The following LDLRAD4 variants were observed in gnomAD, a reference collection of about 807,000 sequenced individuals.
LDLRAD4 encodes the protein low-density lipoprotein receptor class A domain-containing protein 4.
In LDLRAD4, 5 loss-of-function variants were observed where a neutral mutation model predicts 17.0. The ratio of observed to expected loss-of-function variants is 0.29; its 90% CI spans 0.15 to 0.62. LDLRAD4 has a LOEUF of 0.62. LDLRAD4 is among the 20% of genes least tolerant of loss of function. LDLRAD4 has a pLI of 0.84. For synonymous variants in LDLRAD4, 168 were observed against 171.8 expected, an observed-to-expected ratio of 0.98 and a Z score of 0.17; for missense variants, 340 against 424.7, an observed-to-expected ratio of 0.80 and a Z score of 1.75.
intron 3 of LDLRAD4, among the ~76,000 whole-genome samples, chr18:13,609,389 C>G (rs1195338472): frequency 6.6e-6 from 1 of 152,200 alleles, no homozygotes; most frequent in Admixed American, 6.5e-5. Context: ...CTCAAGAGCA[C>G]TATCTAGTAC....
chr18:13,411,647 A>T (rs765766244), intron 2 of LDLRAD4, among the ~76,000 whole-genome samples: 4 of 152,126 alleles, frequency 2.6e-5, no homozygotes, highest in Non-Finnish European at 5.9e-5. Context: ...GTAAGACGTG[A>T]CTTTGCTCCT....
intron 3 of LDLRAD4, among the ~76,000 whole-genome samples, chr18:13,454,782 G>A (rs1437236855): frequency 1.2e-4 from 18 of 152,232 alleles, no homozygotes; most frequent in Admixed American, 1.2e-3. Flanking sequence ...GCACTGTGTT[G>A]CTGTGACAGT....
At chr18:13,501,930 C>T (rs2093621643) in intron 3 of LDLRAD4, among the ~76,000 whole-genome samples, 1 of 152,210 alleles carries the variant, frequency 6.6e-6, no homozygotes, top group Non-Finnish European at 1.5e-5. Flanking sequence ...CCTAAGAAAA[C>T]ATCACACTTA....
intron 1 of LDLRAD4, among the ~76,000 whole-genome samples, chr18:13,317,120 T>G (rs1423890592): frequency 6.6e-6 from 1 of 152,160 alleles, no homozygotes; most frequent in African/African-American, 2.4e-5. Flanking sequence ...GGTGCACCAA[T>G]GTCAGGTGAA....
At chr18:13,506,060 A>G (rs1288273383) in intron 3 of LDLRAD4, among the ~76,000 whole-genome samples, 1 of 152,000 alleles carries the variant, frequency 6.6e-6, no homozygotes, top group Admixed American at 6.5e-5. Context: ...AAGTATCTCC[A>G]AGAGTTTCTT....
At chr18:13,628,676 A>G (rs938937524) in intron 4 of LDLRAD4, among the ~76,000 whole-genome samples, 8 of 152,300 alleles carry the variant, frequency 5.3e-5, no homozygotes, top group Admixed American at 3.9e-4. Context: ...GAAACTGCAT[A>G]AGGATGCTGG....
chr18:13,433,072 G>T (rs1009223583), intron 2 of LDLRAD4, among the ~76,000 whole-genome samples: 2 of 152,146 alleles, frequency 1.3e-5, no homozygotes, highest in African/African-American at 2.4e-5. Flanking sequence ...CAGGCAGTGA[G>T]TATATAAATT....
At chr18:13,451,844 A>G (rs367721681) in intron 3 of LDLRAD4, among the ~76,000 whole-genome samples, 36 of 152,292 alleles carry the variant, frequency 2.4e-4, no homozygotes, top group African/African-American at 7.9e-4. Flanking sequence ...AATGCCTCCC[A>G]AAGGTCTCAC....
intron 3 of LDLRAD4, among the ~76,000 whole-genome samples, chr18:13,462,762 G>T (rs770706801): frequency 6.6e-6 from 1 of 152,186 alleles, no homozygotes; most frequent in Non-Finnish European, 1.5e-5. Flanking sequence ...GGACAGCAAG[G>T]ATGTCTCCCA....
chr18:13,609,874 C>T (rs1243150275), intron 3 of LDLRAD4, among the ~76,000 whole-genome samples: 4 of 152,070 alleles, frequency 2.6e-5, no homozygotes, highest in South Asian at 4.2e-4. Context: ...CCCAGCTACT[C>T]GGGAAGCTGA....
At chr18:13,584,728 G>A (rs534515211) in intron 3 of LDLRAD4, among the ~76,000 whole-genome samples, 1 of 152,250 alleles carries the variant, frequency 6.6e-6, no homozygotes, top group African/African-American at 2.4e-5. Flanking sequence ...GGGAAGAAAG[G>A]CAAGTTGTCT....
chr18:13,402,217 T>C (rs997450963), intron 2 of LDLRAD4, among the ~76,000 whole-genome samples: 2 of 152,218 alleles, frequency 1.3e-5, no homozygotes, highest in Non-Finnish European at 2.9e-5. Context: ...TGCCCCTGGG[T>C]GAGTCCTGGT....
intron 3 of LDLRAD4, among the ~76,000 whole-genome samples, chr18:13,464,787 C>T (rs1352946755): frequency 1.6e-5 from 2 of 127,464 alleles, no homozygotes; most frequent in East Asian, 5.6e-4. Context: ...CAGCCCCCAC[C>T]CCCACCCCCA....
intron 3 of LDLRAD4, among the ~76,000 whole-genome samples, chr18:13,592,946 C>G (rs997830582): frequency 5.3e-5 from 8 of 152,204 alleles, no homozygotes; most frequent in African/African-American, 1.9e-4. Context: ...AAATGAGGTT[C>G]TAGAAAGTGT....
chr18:13,603,278 A>T (rs966433403), intron 3 of LDLRAD4, among the ~76,000 whole-genome samples: 1 of 152,142 alleles, frequency 6.6e-6, no homozygotes, highest in Non-Finnish European at 1.5e-5. Flanking sequence ...GGTCCACTTA[A>T]ATGGTCTCTA....
At chr18:13,535,000 T>C (rs7243103) in intron 3 of LDLRAD4, among the ~76,000 whole-genome samples, 24,935 of 152,192 alleles carry the variant, frequency 0.16, 2,202 homozygotes, top group Middle Eastern at 0.29. Context: ...AATGGTGTGT[T>C]TCCATGGTTC....
intron 3 of LDLRAD4, among the ~76,000 whole-genome samples, chr18:13,498,912 ACACACGTCCCACCGTGGACACCG>A (rs1263985045): frequency 2.5e-4 from 38 of 150,880 alleles, no homozygotes; most frequent in African/African-American, 8.8e-4. Flanking sequence ...CCTTCTCGCC[ACACACGTCCCACCGTGGACACCG>A]GAGAATCCTT....
intron 3 of LDLRAD4, among the ~76,000 whole-genome samples, chr18:13,598,222 A>C (rs1227045130): frequency 6.6e-6 from 1 of 152,154 alleles, no homozygotes; most frequent in Non-Finnish European, 1.5e-5. Flanking sequence ...GGACTATTTT[A>C]TTAAAGTCTG....
At chr18:13,332,700 A>G (rs2081925586) in intron 1 of LDLRAD4, among the ~76,000 whole-genome samples, 1 of 149,594 alleles carries the variant, frequency 6.7e-6, no homozygotes, top group Non-Finnish European at 1.5e-5. Flanking sequence ...TATGCGTTTC[A>G]TGTTCTCCTA....
Sources: gnomAD v4.1 joint callset for allele counts (sites outside exome capture counted in the v4.1 genomes callset) on GRCh38, gnomAD v4.1.1 for gene constraint, MANE v1.5 for transcripts, NCBI Gene and HGNC (gene_info 2026-07-23, HGNC 2026-07-21) for gene names.